Variants in CNIH3 observed in about 807,000 individuals in gnomAD.
CNIH3 encodes the protein protein cornichon homolog 3.
In CNIH3, 14 loss-of-function variants were observed where a neutral mutation model predicts 24.1. That is an observed-to-expected ratio of 0.58 (90% CI 0.38 to 0.91). The LOEUF (loss-of-function observed/expected upper bound fraction) is 0.91. Among genes scored for constraint, CNIH3 ranks in the 40% least tolerant of loss-of-function variants. CNIH3 has a pLI of 0.00. For missense variants in CNIH3, 178 were observed against 196.8 expected (o/e 0.90, Z 0.57); for synonymous variants, 68 against 73.8 (o/e 0.92, Z 0.40).
intron 4 of CNIH3, among the ~76,000 whole-genome samples, chr1:224,731,705 T>C (rs1360865408): frequency 1.3e-5 from 2 of 152,246 alleles, no homozygotes; most frequent in African/African-American, 2.4e-5. Flanking sequence ...GAGGGAAATA[T>C]GTTCTTAACA....
intron 1 of CNIH3, among the ~76,000 whole-genome samples, chr1:224,470,528 C>T (rs1227506534): frequency 1.3e-5 from 2 of 152,012 alleles, no homozygotes; most frequent in African/African-American, 4.8e-5. Flanking sequence ...TTGTCTGGCC[C>T]AGGCTGGTCT....
chr1:224,537,976 A>G (rs569883714), downstream of CNIH3, among the ~76,000 whole-genome samples: 1 of 151,640 alleles, frequency 6.6e-6, no homozygotes, highest in South Asian at 2.1e-4. Flanking sequence ...TTTGAGACAG[A>G]GTCTCACTCT....
intron 4 of CNIH3, among the ~76,000 whole-genome samples, chr1:224,582,551 C>T (rs941509970): frequency 6.6e-6 from 1 of 152,174 alleles, no homozygotes; most frequent in African/African-American, 2.4e-5. Flanking sequence ...GAACTTCCTT[C>T]TTACGTGTAC....
chr1:224,451,799 G>A (rs150146547), intron 1 of CNIH3, among the ~76,000 whole-genome samples: 10 of 152,286 alleles, frequency 6.6e-5, no homozygotes, highest in Non-Finnish European at 7.4e-5. Context: ...CTTCTGGTTC[G>A]TAAAGTGGGG....
At chr1:224,725,331 G>C (rs1405453937) in intron 3 of CNIH3, among the ~76,000 whole-genome samples, 1 of 152,204 alleles carries the variant, frequency 6.6e-6, no homozygotes. Context: ...GTCCCTGGCT[G>C]GTAGGTATGG....
intron 1 of CNIH3, among the ~76,000 whole-genome samples, chr1:224,454,992 C>A (rs113877624): frequency 1.2e-3 from 177 of 152,184 alleles, no homozygotes; most frequent in African/African-American, 4.1e-3. Flanking sequence ...CTCAATAAAC[C>A]CATTGTAAGT....
At chr1:224,653,673 A>C (rs1312586209) in intron 1 of CNIH3, among the ~76,000 whole-genome samples, 2 of 152,222 alleles carry the variant, frequency 1.3e-5, no homozygotes, top group African/African-American at 4.8e-5. Flanking sequence ...ACGCTGTACA[A>C]ACTCAATATA....
intron 1 of CNIH3, among the ~76,000 whole-genome samples, chr1:224,624,547 AC>A (rs1169428013): frequency 7.9e-5 from 12 of 151,816 alleles, no homozygotes; most frequent in Admixed American, 7.9e-4. Flanking sequence ...TTCTGTAGTC[AC>A]CAGCCATGTC....
chr1:224,506,320 TC>T (rs1324920783), intron 1 of CNIH3, among the ~76,000 whole-genome samples: 3 of 151,970 alleles, frequency 2.0e-5, no homozygotes, highest in African/African-American at 7.3e-5. Flanking sequence ...CTCCTCTTTG[TC>T]CCAGAACCGT....
At chr1:224,601,895 A>C (rs1380898052) in intron 3 of CNIH3, among the ~76,000 whole-genome samples, 2 of 152,270 alleles carry the variant, frequency 1.3e-5, no homozygotes, top group South Asian at 4.1e-4. Flanking sequence ...CAAATTAAAA[A>C]TATGCAGAAA....
At chr1:224,509,726 A>AG (rs1274182504) in intron 1 of CNIH3, among the ~76,000 whole-genome samples, 3 of 152,214 alleles carry the variant, frequency 2.0e-5, no homozygotes, top group Admixed American at 6.5e-5. Context: ...GTGAGGTGCC[A>AG]GGCTGGTGAC....
At chr1:224,536,903 A>G (rs1329204244) in intron 2 of CNIH3, 1 of 152,232 alleles carries the variant, frequency 6.6e-6, no homozygotes, top group Non-Finnish European at 1.5e-5. Context: ...GAATGTGAGA[A>G]TTAGAGAGGG....
chr1:224,525,611 G>C (rs1216194219), intron 2 of CNIH3, among the ~76,000 whole-genome samples: 1 of 152,220 alleles, frequency 6.6e-6, no homozygotes, highest in African/African-American at 2.4e-5. Flanking sequence ...GGAAATGGGG[G>C]GTGGAGGCAG....
intron 1 of CNIH3, among the ~76,000 whole-genome samples, chr1:224,442,181 GCTAA>G (rs1674947551): frequency 6.6e-6 from 1 of 151,838 alleles, no homozygotes; most frequent in Non-Finnish European, 1.5e-5. Context: ...ACCACACCTG[GCTAA>G]CTTTTTGTAG....
chr1:224,676,681 C>T (rs934992641), intron 1 of CNIH3, among the ~76,000 whole-genome samples: 8 of 152,164 alleles, frequency 5.3e-5, no homozygotes, highest in East Asian at 1.9e-4. Flanking sequence ...ACTGTCTGGC[C>T]GTTCATCTGC....
intron 3 of CNIH3, among the ~76,000 whole-genome samples, chr1:224,706,993 T>A: frequency 6.9e-6 from 1 of 144,092 alleles, no homozygotes. Context: ...AGACAGAGTC[T>A]TGCTCTGTCA....
intron 4 of CNIH3, among the ~76,000 whole-genome samples, chr1:224,577,605 T>C (rs1051906463): frequency 6.6e-6 from 1 of 152,178 alleles, no homozygotes; most frequent in Non-Finnish European, 1.5e-5. Flanking sequence ...ACTTTTATAC[T>C]GCTGGTGAGA....
At chr1:224,506,285 G>GCACACACACACACA (rs61334962) in intron 1 of CNIH3, among the ~76,000 whole-genome samples, 1 of 143,616 alleles carries the variant, frequency 7.0e-6, no homozygotes, top group African/African-American at 2.7e-5. Flanking sequence ...GCGCGCGCGC[G>GCACACACACACACA]CGCACACACA....
At chr1:224,639,283 A>C (rs1684241058) in intron 1 of CNIH3, among the ~76,000 whole-genome samples, 1 of 152,258 alleles carries the variant, frequency 6.6e-6, no homozygotes, top group African/African-American at 2.4e-5. Flanking sequence ...GATGTGATTC[A>C]GACCTGGATG....
Sources: gnomAD v4.1 joint callset for allele counts (sites outside exome capture counted in the v4.1 genomes callset) on GRCh38, gnomAD v4.1.1 for gene constraint, MANE v1.5 for transcripts, NCBI Gene and HGNC (gene_info 2026-07-23, HGNC 2026-07-21) for gene names.